Variants in CATSPERE observed in about 807,000 individuals in gnomAD.
The protein encoded by CATSPERE is catsper channel auxiliary subunit epsilon, also known as cation channel sperm-associated auxiliary subunit epsilon.
Under a neutral mutation model 114.1 loss-of-function variants are expected in CATSPERE, and 93 were observed. That is an observed-to-expected ratio of 0.81 (90% CI 0.69 to 0.97). CATSPERE has a LOEUF of 0.97. CATSPERE is among the 50% of genes least tolerant of loss of function. The pLI, the probability that CATSPERE is intolerant of heterozygous loss-of-function variation, is 0.00. For synonymous variants in CATSPERE, 341 were observed against 384.1 expected, an observed-to-expected ratio of 0.89 and a Z score of 1.31; for missense variants, 1,058 against 1,131.6, an observed-to-expected ratio of 0.93 and a Z score of 0.93.
At chr1:244,542,815 T>C (rs1352881951) in intron 8 of CATSPERE, among the ~76,000 whole-genome samples, 2 of 152,126 alleles carry the variant, frequency 1.3e-5, no homozygotes, top group Non-Finnish European at 2.9e-5. Flanking sequence ...CATGCAGCCC[T>C]GCCCAACTAC....
chr1:244,581,200 T>G (rs1185961860), intron 11 of CATSPERE, among the ~76,000 whole-genome samples: 2 of 152,210 alleles, frequency 1.3e-5, no homozygotes, highest in Admixed American at 1.3e-4. Context: ...GCTTTTGTCT[T>G]TGAATATGAC....
At chr1:244,567,125 G>T (rs1026870235) in intron 10 of CATSPERE, among the ~76,000 whole-genome samples, 76 of 152,318 alleles carry the variant, frequency 5.0e-4, no homozygotes, top group Admixed American at 4.7e-3. Context: ...GGCTGAATAT[G>T]AAATTCTATG....
chr1:244,612,643 C>G (rs568524883), intron 19 of CATSPERE, among the ~76,000 whole-genome samples: 42 of 152,246 alleles, frequency 2.8e-4, no homozygotes, highest in African/African-American at 9.6e-4. Flanking sequence ...GAGTATAATG[C>G]ATGAGGCTAG....
chr1:244,566,679 T>A (rs75569810), intron 10 of CATSPERE, among the ~76,000 whole-genome samples: 27,309 of 120,948 alleles, frequency 0.23, 5,176 homozygotes, highest in East Asian at 0.46. Context: ...TTTTTTTTTT[T>A]TTTTTTTTGC....
Position 244,624,399 on chromosome 1 carries a change from A to G in CATSPERE, c.2648+6713A>G, listed in dbSNP as rs151226060. Among the ~76,000 whole-genome samples the G allele has an allele frequency of 6.9e-3, 1,051 of 152,292 alleles. 4 individuals carry two copies. The highest frequency in any genetic ancestry group is 0.034 in the Middle Eastern group (10 of 294). On this transcript the variant is annotated intron_variant, in intron 20 of 21. Transcript: ENST00000366534. ...AGTGGAACTTTCAAAATTGGAGTCA[A>G]TCCTCTCAAAGCTTACCACTGCTTT...
chr1:244,502,524 T>C (rs1674213905), intron 7 of CATSPERE, among the ~76,000 whole-genome samples: 1 of 152,188 alleles, frequency 6.6e-6, no homozygotes, highest in South Asian at 2.1e-4. Context: ...AACTGGCAAC[T>C]CTCTTCAGTT....
In CATSPERE at chr1:244,481,786, T is replaced by C. The variant is rs533674451; in HGVS notation, c.326+2002T>C. On this transcript the variant is annotated intron_variant, in intron 5 of 21. Transcript: ENST00000366534. ...AAGAGTTCCTTTTTCCCTTCCGCCATGCGAGGACCCAGTGAGAAGATAGCA... is the reference window on the plus strand; with the variant it reads ...AAGAGTTCCTTTTTCCCTTCCGCCACGCGAGGACCCAGTGAGAAGATAGCA... Among the ~76,000 whole-genome samples the C allele has an allele frequency of 9.2e-5, 14 of 152,310 alleles. No individual in the cohort carries two copies. The Middle Eastern group carries it at 0.014, about 148-fold the overall frequency.
intron 20 of CATSPERE, among the ~76,000 whole-genome samples, chr1:244,618,746 A>G (rs1248093318): frequency 2.6e-5 from 4 of 151,010 alleles, no homozygotes; most frequent in African/African-American, 9.7e-5. Flanking sequence ...CATTCATTGC[A>G]CTCCAGGCTG....
intron 2 of CATSPERE, among the ~76,000 whole-genome samples, chr1:244,476,274 T>G (rs887790981): frequency 3.3e-5 from 5 of 152,138 alleles, no homozygotes; most frequent in Non-Finnish European, 7.4e-5. Flanking sequence ...ATCCTGTCTC[T>G]ATTAAAGAAA....
At chr1:244,547,056 CAA>C (rs1324567460) in intron 8 of CATSPERE, among the ~76,000 whole-genome samples, 6 of 152,014 alleles carry the variant, frequency 3.9e-5, no homozygotes, top group African/African-American at 1.5e-4. Context: ...AGATGAAAGA[CAA>C]AGAGAGGATC....
intron 1 of CATSPERE, among the ~76,000 whole-genome samples, chr1:244,461,791 C>G (rs756987594): frequency 2.6e-5 from 4 of 152,208 alleles, no homozygotes; most frequent in Non-Finnish European, 5.9e-5. Context: ...TGAAATCTTA[C>G]TTTTTTGTTT....
chr1:244,623,058 TTTTATTTA>T (rs6143712), intron 20 of CATSPERE, among the ~76,000 whole-genome samples: 37 of 145,606 alleles, frequency 2.5e-4, no homozygotes, highest in African/African-American at 8.6e-4. Context: ...TTTGTCTTAT[TTTTATTTA>T]TTTATTTATT....
At chr1:244,555,787 T>C (rs1255398613) in intron 9 of CATSPERE, among the ~76,000 whole-genome samples, 1 of 152,078 alleles carries the variant, frequency 6.6e-6, no homozygotes, top group Non-Finnish European at 1.5e-5. Flanking sequence ...ACACTAATAA[T>C]GAAATAGCTG....
chr1:244,536,909 A>G (rs1680471622), intron 8 of CATSPERE, among the ~76,000 whole-genome samples: 1 of 146,138 alleles, frequency 6.8e-6, no homozygotes, highest in South Asian at 2.2e-4. Context: ...TGTATCCTGC[A>G]GGTATAATTT....
At chr1:244,526,714 C>T (rs1368046790) in intron 8 of CATSPERE, among the ~76,000 whole-genome samples, 5 of 151,056 alleles carry the variant, frequency 3.3e-5, no homozygotes, top group East Asian at 3.9e-4. Context: ...AGTGGCATGA[C>T]CACAGCTCAC....
chr1:244,613,963 C>T (rs1025696601), intron 19 of CATSPERE, among the ~76,000 whole-genome samples: 1 of 152,016 alleles, frequency 6.6e-6, no homozygotes, highest in African/African-American at 2.4e-5. Context: ...GCAGTTTTAT[C>T]ACAATAGGAA....
At chr1:244,618,691 C>T (rs1237835348) in intron 20 of CATSPERE, among the ~76,000 whole-genome samples, 8 of 152,036 alleles carry the variant, frequency 5.3e-5, no homozygotes, top group South Asian at 2.1e-4. Flanking sequence ...GCAGGAGAAT[C>T]GCTTGAGCCT....
At chr1:244,494,152 C>T (rs535960629) in intron 6 of CATSPERE, among the ~76,000 whole-genome samples, 12 of 151,932 alleles carry the variant, frequency 7.9e-5, no homozygotes, top group Non-Finnish European at 1.6e-4. Flanking sequence ...CACATGCACA[C>T]GTATGTTTAT....
chr1:244,554,577 A>G (rs1309559191), intron 9 of CATSPERE, among the ~76,000 whole-genome samples: 1 of 152,222 alleles, frequency 6.6e-6, no homozygotes, highest in African/African-American at 2.4e-5. Context: ...GCCATTCAAC[A>G]GGGTAAAATG....
Sources: gnomAD v4.1 joint callset for allele counts (sites outside exome capture counted in the v4.1 genomes callset) on GRCh38, gnomAD v4.1.1 for gene constraint, MANE v1.5 for transcripts, NCBI Gene and HGNC (gene_info 2026-07-23, HGNC 2026-07-21) for gene names.